TNRC6A: variants seen among roughly 807,000 people sequenced by gnomAD.
The protein encoded by TNRC6A is trinucleotide repeat containing adaptor 6A, also known as trinucleotide repeat-containing gene 6A protein.
A neutral mutation model predicts 221.2 loss-of-function variants in TNRC6A; 44 were observed. The ratio of observed to expected loss-of-function variants is 0.20; its 90% confidence interval spans 0.16 to 0.26. The LOEUF is 0.26. TNRC6A is among the 10% of genes least tolerant of loss of function. The pLI is 1.00. For missense variants in TNRC6A, 2,199 were observed against 2,404.4 expected, an observed-to-expected ratio of 0.91 and a Z score of 1.79; for synonymous variants, 847 against 838.5, an observed-to-expected ratio of 1.01 and a Z score of -0.18.
chr16:24,677,154 C>CA (rs1416830830), intron 2 of TNRC6A, among the ~76,000 whole-genome samples: 2 of 146,436 alleles, frequency 1.4e-5, no homozygotes, highest in Non-Finnish European at 3.0e-5. Flanking sequence ...GTCCCGTTTC[C>CA]TTTTTTTTTC....
intron 16 of TNRC6A, 132 bp downstream of exon 16, chr16:24,806,415 T>A (rs1392146818): frequency 2.2e-6 from 3 of 1,369,732 alleles, no homozygotes; most frequent in Non-Finnish European, 2.0e-6. Context: ...ATGTTTTTCA[T>A]TAAGTCTGCT....
chr16:24,712,814 C>T lies in TNRC6A; in HGVS notation n.403-37912C>T, dbSNP rs566613908. ...TGTCACCCAGGCTAGAGTGCAGTGG[C>T]ACAAACACGGCTAACTGCAGCCTCA... On this transcript the variant is annotated intron_variant and non_coding_transcript_variant, in intron 2 of 2. Transcript: ENST00000566108. Among the ~76,000 whole-genome samples the T allele has an allele frequency of 2.6e-4, 39 of 152,156 alleles. No homozygotes were observed. The Middle Eastern group carries it at 0.01, about 40-fold the overall frequency.
chr16:24,654,882 C>G (rs970700602), intron 2 of TNRC6A, among the ~76,000 whole-genome samples: 4 of 152,052 alleles, frequency 2.6e-5, no homozygotes, highest in South Asian at 2.1e-4. Context: ...ACATTCTGGA[C>G]AGAATATTAT....
chr16:24,818,795 G>A, intron 21 of TNRC6A, 95 bp downstream of exon 21: 1 of 902,740 alleles, frequency 1.1e-6, no homozygotes, highest in Non-Finnish European at 1.8e-6. Flanking sequence ...GTCTTCTCAG[G>A]GAATTAGGAG....
intron 15 of TNRC6A, among the ~76,000 whole-genome samples, chr16:24,805,952 G>C (rs887301722): frequency 3.9e-5 from 6 of 152,188 alleles, no homozygotes; most frequent in African/African-American, 1.4e-4. Context: ...GCCAAGTCCA[G>C]GGTGCTAGTG....
chr16:24,626,034 A>T (rs1596552000), intron 1 of TNRC6A, among the ~76,000 whole-genome samples: 1 of 152,252 alleles, frequency 6.6e-6, no homozygotes, highest in East Asian at 1.9e-4. Flanking sequence ...TTTATTATAG[A>T]TTCAGGGGTT....
chr16:24,714,437 T>C (rs2056273027), intron 2 of TNRC6A, among the ~76,000 whole-genome samples: 1 of 150,022 alleles, frequency 6.7e-6, no homozygotes, highest in African/African-American at 2.5e-5. Flanking sequence ...GCCTCCCGAG[T>C]AGCTGGGACT....
At chr16:24,791,907 G>A (rs2058110585) in intron 6 of TNRC6A, 90 bp downstream of exon 6, 1 of 1,338,082 alleles carries the variant, frequency 7.5e-7, no homozygotes. Context: ...TGCACACAAA[G>A]GCTGTTCTTA....
intron 3 of TNRC6A, among the ~76,000 whole-genome samples, chr16:24,756,233 G>A (rs12446310): frequency 2.0e-5 from 3 of 152,244 alleles, no homozygotes; most frequent in African/African-American, 7.2e-5. Context: ...GTTCAGACTA[G>A]CCACATTTCA....
chr16:24,798,034 T>A (rs2058256309), intron 11 of TNRC6A, 68 bp downstream of exon 11: 1 of 1,407,240 alleles, frequency 7.1e-7, no homozygotes, highest in Admixed American at 1.8e-5. Flanking sequence ...ATGATTCTAC[T>A]GAAAGAGCCC....
chr16:24,616,342 A>AAAG (rs575298794), intron 1 of TNRC6A, among the ~76,000 whole-genome samples: 93 of 144,912 alleles, frequency 6.4e-4, no homozygotes, highest in Non-Finnish European at 1.0e-3. Flanking sequence ...AAAAAAAAAA[A>AAAG]AAGAAGAAGA....
chr16:24,770,292 A>G (rs1292933215), intron 4 of TNRC6A, among the ~76,000 whole-genome samples: 1 of 152,204 alleles, frequency 6.6e-6, no homozygotes, highest in Non-Finnish European at 1.5e-5. Context: ...GGGCCATGCC[A>G]AGGAGTTTAG....
At position 24,791,837 on chromosome 16, in the gene TNRC6A, A is replaced by C; in HGVS notation, c.3175+20A>C. 6.7e-7 allele frequency: 1 copy of C among 1,493,316 alleles called. No homozygotes were observed. The highest frequency in any genetic ancestry group is 8.9e-7 in the Non-Finnish European group (1 of 1,125,662). The allele number at this position is 1,493,316 out of a possible 1,614,324, so 92.5% of individuals were successfully genotyped here. On this transcript the variant is annotated intron_variant, in intron 6 of 24. Coordinates refer to ENST00000395799, the MANE Select transcript of TNRC6A (RefSeq NM_014494.4). ...GCTCTGGTAAGTTTCTATTTTATGA[A>C]ATCAAGCCTTGTTTTAACTTACTGT...
At chr16:24,786,758 G>A (rs12923476) in intron 5 of TNRC6A, among the ~76,000 whole-genome samples, 37,317 of 151,560 alleles carry the variant, frequency 0.25, 4,710 homozygotes, top group Middle Eastern at 0.29. Context: ...CTCGGCTCAC[G>A]GCAACAGCCT....
intron 20 of TNRC6A, 99 bp downstream of exon 20, chr16:24,817,055 A>G (rs1360857842): frequency 2.7e-5 from 34 of 1,264,448 alleles, no homozygotes; most frequent in Admixed American, 1.2e-4. Flanking sequence ...AGCCCAGGGT[A>G]CTCTGGGATC....
At chr16:24,813,734 G>T (rs918213271) in intron 18 of TNRC6A, among the ~76,000 whole-genome samples, 1 of 152,160 alleles carries the variant, frequency 6.6e-6, no homozygotes, top group Non-Finnish European at 1.5e-5. Context: ...AACCTGTCAC[G>T]TAGGTTTTAC....
intron 1 of TNRC6A, 74 bp from the exon 2 acceptor site, chr16:24,730,179 G>A (rs1263876438): frequency 1.5e-6 from 2 of 1,361,320 alleles, no homozygotes; most frequent in Non-Finnish European, 9.7e-7. Flanking sequence ...TGCCGCAGCA[G>A]CTCCGTTTTC....
intron 2 of TNRC6A, among the ~76,000 whole-genome samples, chr16:24,675,470 C>T (rs2055389728): frequency 1.3e-5 from 2 of 151,748 alleles, no homozygotes; most frequent in Non-Finnish European, 2.9e-5. Context: ...CACCTGAAGT[C>T]AGGAGTTCAA....
intron 20 of TNRC6A, among the ~76,000 whole-genome samples, chr16:24,818,170 T>C (rs2058691804): frequency 6.6e-6 from 1 of 152,236 alleles, no homozygotes; most frequent in African/African-American, 2.4e-5. Context: ...GAAGGGCCTG[T>C]TCACTAGTAG....
Sources: allele counts gnomAD v4.1 joint callset (sites outside exome capture counted in the v4.1 genomes callset), GRCh38; gene constraint gnomAD v4.1.1; transcripts MANE v1.5; gene names NCBI Gene and HGNC (gene_info 2026-07-23, HGNC 2026-07-21).